Variants in MINDY4 observed in about 807,000 individuals in gnomAD.
MINDY4 encodes the protein probable ubiquitin carboxyl-terminal hydrolase MINDY-4.
Under a neutral mutation model 87.0 loss-of-function variants are expected in MINDY4, and 68 were observed. The observed-to-expected ratio is 0.78, with a 90% CI of 0.64 to 0.96. The LOEUF is 0.96. Among genes scored for constraint, MINDY4 ranks in the 40% least tolerant of loss-of-function variants. The probability of loss-of-function intolerance (pLI) is 0.00; values close to 1 mark genes in which losing one functional copy is unlikely to be tolerated. For synonymous variants in MINDY4, 379 were observed against 363.2 expected (o/e 1.04, Z -0.50); for missense variants, 919 against 928.2 (o/e 0.99, Z 0.13).
intron 17 of MINDY4, among the ~76,000 whole-genome samples, chr7:30,889,188 GAAC>G (rs1790720457): frequency 6.6e-6 from 1 of 152,118 alleles, no homozygotes. Flanking sequence ...AATCTTAATA[GAAC>G]AATAAAAGCT....
intron 13 of MINDY4, 121 bp from the exon 14 acceptor site, chr7:30,872,122 C>T: frequency 1.1e-6 from 1 of 906,204 alleles, no homozygotes; most frequent in Non-Finnish European, 1.8e-6. Context: ...CGCTCAGGTT[C>T]CCACCAAATC....
intron 13 of MINDY4, among the ~76,000 whole-genome samples, chr7:30,867,878 T>C (rs985733675): frequency 6.6e-6 from 1 of 152,178 alleles, no homozygotes; most frequent in Admixed American, 6.5e-5. Context: ...AATAGAGTCA[T>C]GGACCAGGCA....
chr7:30,788,053 A>AT (rs922778825), intron 4 of MINDY4, among the ~76,000 whole-genome samples: 2 of 152,210 alleles, frequency 1.3e-5, no homozygotes, highest in African/African-American at 2.4e-5. Context: ...CATGAGTAGC[A>AT]TTTTTTTGCA....
chr7:30,863,672 G>A (rs1210152103), intron 13 of MINDY4, among the ~76,000 whole-genome samples: 4 of 152,162 alleles, frequency 2.6e-5, no homozygotes, highest in Non-Finnish European at 5.9e-5. Context: ...ACCTAGCCGA[G>A]TGCTGCCGAC....
intron 5 of MINDY4, among the ~76,000 whole-genome samples, chr7:30,816,685 T>C (rs1173151685): frequency 6.9e-6 from 1 of 144,140 alleles, no homozygotes; most frequent in South Asian, 2.2e-4. Context: ...TGGACCCAGA[T>C]GAGAGAGACT....
chr7:30,835,927 A>G lies in MINDY4; in HGVS notation c.1133-731A>G, dbSNP rs117789449. Among the ~76,000 whole-genome samples the G allele has an allele frequency of 9.7e-3, 1,471 of 152,326 alleles. 15 individuals carry two copies. The highest frequency in any genetic ancestry group is 0.038 in the South Asian group (184 of 4,830). ...CTCTCTAGGCCTCAGTTGTCCCACT[A>G]TGAGAAAACAATATCTGGAATATGG... On this transcript the variant is annotated intron_variant, in intron 6 of 17. Coordinates refer to ENST00000265299, the MANE Select transcript of MINDY4 (RefSeq NM_032222.3).
At chr7:30,790,627 TA>T (rs1182058526) in intron 4 of MINDY4, among the ~76,000 whole-genome samples, 1 of 152,028 alleles carries the variant, frequency 6.6e-6, no homozygotes, top group Non-Finnish European at 1.5e-5. Flanking sequence ...GTATTTTTAG[TA>T]GATATGGGGT....
At chr7:30,840,626 C>T in intron 8 of MINDY4, 134 bp from the exon 9 acceptor site, 1 of 663,546 alleles carries the variant, frequency 1.5e-6, no homozygotes, top group Non-Finnish European at 2.6e-6. Flanking sequence ...GCAGTTGCCA[C>T]ATCAGAGGCC....
At chr7:30,809,138 C>T (rs1252451836) in intron 5 of MINDY4, among the ~76,000 whole-genome samples, 1 of 152,014 alleles carries the variant, frequency 6.6e-6, no homozygotes, top group East Asian at 1.9e-4. Flanking sequence ...AGGTGTTCTC[C>T]ATAACCCTAT....
At chr7:30,776,472 T>C (rs1483938800) in intron 1 of MINDY4, among the ~76,000 whole-genome samples, 3 of 152,202 alleles carry the variant, frequency 2.0e-5, no homozygotes, top group Admixed American at 6.5e-5. Flanking sequence ...TAGCCCTCTC[T>C]GTCTCCTTAT....
At position 30,839,180 on chromosome 7, in the gene MINDY4, ACTCT is replaced by A. The variant is rs760305852; in HGVS notation, c.1240-15_1240-12del. 6.6e-7 allele frequency: 1 copy of A among 1,520,584 alleles called. No homozygotes were observed. The highest frequency in any genetic ancestry group is 1.4e-5 in the African/African-American group (1 of 72,052). 94.2% of individuals were successfully genotyped at this position (1,520,584 alleles called of 1,614,324 possible). A position where few individuals can be genotyped will look rare whatever the true frequency, so the allele number is the denominator to read the frequency against. ...GCTTGCTTTTAAAACAACCAGTAAAACTCTCTCTTCTTTTTATAGGAAATAAAGA... is the reference window on the plus strand; with the variant it reads ...GCTTGCTTTTAAAACAACCAGTAAAACTCTTCTTTTTATAGGAAATAAAGA... On this transcript the variant is annotated splice_polypyrimidine_tract_variant and intron_variant, in intron 7 of 17. Transcript: ENST00000265299.
intron 15 of MINDY4, among the ~76,000 whole-genome samples, chr7:30,880,260 A>G (rs559528180): frequency 1.3e-5 from 2 of 150,972 alleles, no homozygotes; most frequent in South Asian, 4.2e-4. Context: ...CCACCAGGAC[A>G]AAGTCCCAGA....
intron 12 of MINDY4, among the ~76,000 whole-genome samples, chr7:30,857,261 C>T (rs1789602386): frequency 6.6e-6 from 1 of 152,156 alleles, no homozygotes; most frequent in South Asian, 2.1e-4. Flanking sequence ...GGTTTCTGTT[C>T]AGACATCGCT....
chr7:30,864,509 T>C (rs1305695608), intron 13 of MINDY4, among the ~76,000 whole-genome samples: 1 of 152,234 alleles, frequency 6.6e-6, no homozygotes, highest in Non-Finnish European at 1.5e-5. Flanking sequence ...GTCTGTTCTT[T>C]TGTCTCTTCA....
intron 5 of MINDY4, among the ~76,000 whole-genome samples, chr7:30,809,503 A>G (rs555159818): frequency 4.6e-5 from 7 of 151,984 alleles, no homozygotes; most frequent in Non-Finnish European, 7.4e-5. Flanking sequence ...CCTAGGAGGA[A>G]CCCCTTCAGG....
intron 3 of MINDY4, among the ~76,000 whole-genome samples, chr7:30,784,432 G>A (rs1257030066): frequency 6.6e-6 from 1 of 152,100 alleles, no homozygotes; most frequent in Admixed American, 6.5e-5. Context: ...TCTTTTCCTG[G>A]TTAATTCCCA....
In MINDY4 at chr7:30,791,300, C is replaced by T; in HGVS notation, c.799C>T (p.Pro267Ser). ...CATTCTGGCTTCGAGCAACAGCTCC[C>T]CCTCCAGGACCTCCCTGGGTCAGCT... ...QDILASSNSS[P>S]SRTSLGQLSE... The change falls in exon 5 of 18, where the codon CCC (proline) becomes TCC (serine). Residue 267 changes from proline to serine, a missense_variant. Transcript: ENST00000265299. The T allele has an allele frequency of 1.2e-6, 2 of 1,614,192 alleles. No homozygotes were observed. The highest frequency in any genetic ancestry group is 1.7e-6 in the Non-Finnish European group (2 of 1,180,032).
intron 5 of MINDY4, among the ~76,000 whole-genome samples, chr7:30,793,338 G>A (rs946368110): frequency 7.3e-5 from 11 of 150,204 alleles, no homozygotes; most frequent in Admixed American, 1.3e-4. Flanking sequence ...CTTTTTACTC[G>A]AATAACTTCC....
chr7:30,884,772 T>C (rs1790579450), intron 17 of MINDY4, among the ~76,000 whole-genome samples: 2 of 152,232 alleles, frequency 1.3e-5, no homozygotes. Context: ...GGCCCAGGAT[T>C]GGACTTCTTG....
Sources: allele counts gnomAD v4.1 joint callset (sites outside exome capture counted in the v4.1 genomes callset), GRCh38; gene constraint gnomAD v4.1.1; transcripts MANE v1.5; gene names NCBI Gene and HGNC (gene_info 2026-07-23, HGNC 2026-07-21).